KLK13: variants seen among roughly 807,000 people sequenced by gnomAD.
KLK13 encodes kallikrein related peptidase 13, also known as kallikrein-13.
KLK13 carries 19 observed loss-of-function variants against 22.4 expected under a neutral mutation model. The observed-to-expected ratio is 0.85, with a 90% CI of 0.59 to 1.24. The LOEUF (loss-of-function observed/expected upper bound fraction) is 1.24, where lower values mean the gene tolerates loss of function less well. Among genes scored for constraint, KLK13 ranks in the 50% most tolerant of loss-of-function variants. The probability of loss-of-function intolerance (pLI) is 0.00; values close to 1 mark genes in which losing one functional copy is unlikely to be tolerated. For synonymous variants in KLK13, 156 were observed against 141.8 expected, an observed-to-expected ratio of 1.10 and a Z score of -0.71; for missense variants, 311 against 347.9, an observed-to-expected ratio of 0.89 and a Z score of 0.84.
In KLK13 at chr19:51,056,670, C is replaced by T; in HGVS notation, c.751G>A (p.Val251Ile). Residue 251 changes from valine to isoleucine, a missense_variant, in exon 5 of 5, where the codon GTC (valine) becomes ATC (isoleucine). Physicochemically the swap from Val to Ile is conservative, Grantham distance 29. Coordinates refer to ENST00000595793, the MANE Select transcript of KLK13 (RefSeq NM_015596.3). ...CGGATCCACAGGACGTATCTTGAGA[C>T]ACGGGTGTAGACACCAGGCCGGTCA... ...QPDRPGVYTR[V>I]SRYVLWIRET... is the part of the protein sequence containing the mutation. 6.2e-7 allele frequency: 1 copy of T among 1,614,168 alleles called. No individual in the cohort carries two copies. Among genetic ancestry groups the T allele is most frequent in the East Asian group, 2.2e-5 (1 of 44,882 alleles).
At chr19:51,058,765 G>C in intron 3 of KLK13, 91 bp from the exon 4 acceptor site, 1 of 1,275,488 alleles carries the variant, frequency 7.8e-7, no homozygotes, top group Non-Finnish European at 1.1e-6. Flanking sequence ...GTAAAGAGTA[G>C]ATAGAAAATT....
rs762143957 is a variant in KLK13, at chr19:51,059,924, TG to T, written c.408del (p.Thr137GlnfsTer15). The T allele has an allele frequency of 6.2e-7, 1 of 1,610,662 alleles. No individual in the cohort carries two copies. The highest frequency in any genetic ancestry group is 8.5e-7 in the Non-Finnish European group (1 of 1,178,260). On this transcript the variant is annotated frameshift_variant, in exon 3 of 5. Transcript: ENST00000595793. LOFTEE classifies it high-confidence loss of function. ...AGGGGCAGGGTTTGGATGTAGCCTG[TG>T]AGCTGGACCGGGGACTGCAGCTCCA... ...MLLELQSPVQ[L>X]TGYIQTLPLS...
chr19:51,062,947 A>G (rs2091743812), intron 1 of KLK13, among the ~76,000 whole-genome samples: 1 of 152,142 alleles, frequency 6.6e-6, no homozygotes, highest in African/African-American at 2.4e-5. Context: ...GTTGTCGGTG[A>G]GCACAGGATC....
At chr19:51,064,313 C>G (rs2091757143) in intron 1 of KLK13, among the ~76,000 whole-genome samples, 1 of 151,814 alleles carries the variant, frequency 6.6e-6, no homozygotes, top group African/African-American at 2.4e-5. Flanking sequence ...CATGGCGAAA[C>G]CCCGTCTCTG....
In KLK13 at chr19:51,056,488, G is replaced by T; in HGVS notation, c.*99C>A. The T allele has an allele frequency of 8.1e-7, 1 of 1,237,932 alleles. No homozygotes were observed. Among genetic ancestry groups the T allele is most frequent in the Non-Finnish European group, 1.2e-6 (1 of 862,680 alleles). The allele number at this position is 1,237,932 out of a possible 1,614,324, so 76.7% of individuals were successfully genotyped here. A position where few individuals can be genotyped will look rare whatever the true frequency, so the allele number is the denominator to read the frequency against. ...GCATTTTTCAGGACATGGATCACTG[G>T]TTCAAATGGAACACTGGGAATAAGG... On this transcript the variant is annotated 3_prime_UTR_variant, in exon 5 of 5. Coordinates refer to ENST00000595793, the MANE Select transcript of KLK13 (RefSeq NM_015596.3).
In KLK13 at chr19:51,059,993, T is replaced by C; in HGVS notation, c.340A>G (p.Arg114Gly). Residue 114 changes from arginine to glycine, a missense_variant, in exon 3 of 5, where the codon AGA becomes GGA. By Grantham distance (125) the Arg-to-Gly change is moderately radical. Transcript: ENST00000595793. The part of the protein sequence containing the change: ...VHSIPHPEYR[R>G]SPTHLNHDHD... ...TCGTGGTTCAGGTGGGTGGGGCTTC[T>C]CCGGTATTCAGGGTGGGGGATAGAG... is the stretch of plus-strand genomic sequence containing the variant. The C allele has an allele frequency of 6.2e-7, 1 of 1,613,698 alleles. No individual in the cohort carries two copies. The highest frequency in any genetic ancestry group is 8.5e-7 in the Non-Finnish European group (1 of 1,179,748).
At chr19:51,064,279 G>C (rs1347383821) in intron 1 of KLK13, among the ~76,000 whole-genome samples, 1 of 152,074 alleles carries the variant, frequency 6.6e-6, no homozygotes, top group Non-Finnish European at 1.5e-5. Flanking sequence ...CTTGAAGTTA[G>C]AAGTTCGAGA....
At chr19:51,063,116 A>C (rs772996695) in intron 1 of KLK13, among the ~76,000 whole-genome samples, 1 of 152,184 alleles carries the variant, frequency 6.6e-6, no homozygotes, top group Non-Finnish European at 1.5e-5. Context: ...CACTGAGCTC[A>C]CTTTTCAAAG....
chr19:51,058,963 G>A (rs1024545182), intron 3 of KLK13, among the ~76,000 whole-genome samples: 4 of 152,100 alleles, frequency 2.6e-5, no homozygotes, highest in African/African-American at 7.2e-5. Context: ...AGCCAGCGGT[G>A]GGGAGAGAAA....
chr19:51,062,297 C>T (rs1351582378), intron 1 of KLK13, among the ~76,000 whole-genome samples: 1 of 152,106 alleles, frequency 6.6e-6, no homozygotes, highest in Non-Finnish European at 1.5e-5. Context: ...TCAAATGTCT[C>T]CTCTTCAGAA....
chr19:51,062,010 C>T (rs1339086294), intron 1 of KLK13, among the ~76,000 whole-genome samples: 2 of 152,236 alleles, frequency 1.3e-5, no homozygotes, highest in East Asian at 1.9e-4. Context: ...CTGCACAGTC[C>T]TTTCTCCAGA....
intron 4 of KLK13, among the ~76,000 whole-genome samples, chr19:51,057,128 CT>C (rs1423769305): frequency 1.5e-5 from 1 of 65,116 alleles, no homozygotes; most frequent in Non-Finnish European, 4.0e-5. Context: ...TTCCCTGGTA[CT>C]AAATCACCCC....
At chr19:51,058,710 C>T (rs200207928) in intron 3 of KLK13, 36 bp from the exon 4 acceptor site, 1 of 1,610,954 alleles carries the variant, frequency 6.2e-7, no homozygotes, top group African/African-American at 1.3e-5. Context: ...AGGTATCCGA[C>T]CTGGATAGGA....
chr19:51,060,518 C>A lies in KLK13; in HGVS notation c.154G>T (p.Ala52Ser). ...AGTAGCCGCCCTTGCACTAGTAGGGCAGCCTGCCAGGGCTGAGAGTGGGGG... is the reference window on the plus strand; with the variant it reads ...AGTAGCCGCCCTTGCACTAGTAGGGAAGCCTGCCAGGGCTGAGAGTGGGGG... ...CFPHSQPWQA[A>S]LLVQGRLLCG... Residue 52 changes from alanine (A) to serine (S), a missense_variant, in exon 2 of 5, where the codon GCC becomes TCC. Coordinates refer to ENST00000595793, the MANE Select transcript of KLK13 (RefSeq NM_015596.3). 6.8e-6 allele frequency: 11 copies of A among 1,614,018 alleles called. No individual in the cohort carries two copies. The highest frequency in any genetic ancestry group is 9.3e-6 in the Non-Finnish European group (11 of 1,179,912).
At chr19:51,064,463 G>C in intron 1 of KLK13, 1 of 283,878 alleles carries the variant, frequency 3.5e-6, no homozygotes, top group South Asian at 3.1e-5. Flanking sequence ...CTTCCAGCCT[G>C]GGAGACAGAG....
chr19:51,061,705 C>A (rs374222011), intron 1 of KLK13, among the ~76,000 whole-genome samples: 1 of 152,238 alleles, frequency 6.6e-6, no homozygotes, highest in Admixed American at 6.5e-5. Context: ...TCCCTCCGAT[C>A]CAGTCTTCTC....
Position 51,060,122 on chromosome 19 carries a change from AAAG to A in KLK13, c.240-32_240-30del, listed in dbSNP as rs750567924. The A allele has an allele frequency of 3.1e-6, 5 of 1,610,644 alleles. No individual in the cohort carries two copies. The Admixed American group carries it at 6.7e-5, about 22-fold the overall frequency. ...TGGGTGCAGAAAGAAGGTGGTTAGG[AAAG>A]AAGATGAGCCCATTTCCATCCCCAT... is the stretch of plus-strand genomic sequence containing the variant. On this transcript the variant is annotated intron_variant, in intron 2 of 4. Coordinates refer to ENST00000595793, the MANE Select transcript of KLK13 (RefSeq NM_015596.3).
intron 1 of KLK13, chr19:51,063,616 G>C (rs10426620): frequency 2.2e-6 from 1 of 456,064 alleles, no homozygotes; most frequent in Non-Finnish European, 4.4e-6. Context: ...TCCACAAGGC[G>C]TAGCGTGTGG....
chr19:51,065,057 A>C lies in KLK13; in HGVS notation c.11T>G (p.Leu4Arg), dbSNP rs550088745. Residue 4 changes from leucine to arginine, a missense_variant, in exon 1 of 5, where the codon CTG becomes CGG. Physicochemically the swap from Leu to Arg is moderately radical, Grantham distance 102 (BLOSUM62 -2). Transcript: ENST00000595793. MWP[L>R]ALVIASLTLA... ...GGTCAGGGAGGCGATCACTAGGGCC[A>C]GGGGCCACATGGCTCCGGGATCGGG... 4.7e-6 allele frequency: 5 copies of C among 1,067,816 alleles called. No individual in the cohort carries two copies. Among genetic ancestry groups the C allele is most frequent in the Non-Finnish European group, 5.0e-6 (4 of 795,072 alleles). 66.1% of individuals were successfully genotyped at this position (1,067,816 alleles called of 1,614,324 possible). A position where few individuals can be genotyped will look rare whatever the true frequency, so the allele number is the denominator to read the frequency against.
Sources: allele counts gnomAD v4.1 joint callset (sites outside exome capture counted in the v4.1 genomes callset), GRCh38; gene constraint gnomAD v4.1.1; transcripts MANE v1.5; gene names NCBI Gene and HGNC (gene_info 2026-07-23, HGNC 2026-07-21).